Variants in SWT1 observed in about 807,000 individuals in gnomAD.
SWT1 encodes the protein SWT1 RNA endoribonuclease homolog.
SWT1 carries 33 observed loss-of-function variants against 107.3 expected under a neutral mutation model. The ratio of observed to expected loss-of-function variants is 0.31; its 90% CI spans 0.23 to 0.41. SWT1 has a LOEUF of 0.41. Among genes scored for constraint, SWT1 ranks in the 10% least tolerant of loss-of-function variants. SWT1 has a pLI of 1.00. For synonymous variants in SWT1, 345 were observed against 348.3 expected, an observed-to-expected ratio of 0.99 and a Z score of 0.11; for missense variants, 898 against 1,028.9, an observed-to-expected ratio of 0.87 and a Z score of 1.74.
intron 10 of SWT1, among the ~76,000 whole-genome samples, chr1:185,193,575 TC>T (rs1340038017): frequency 6.6e-6 from 1 of 152,022 alleles, no homozygotes; most frequent in Non-Finnish European, 1.5e-5. Flanking sequence ...CAAGCAATTC[TC>T]CTGCCTTAGC....
At chr1:185,190,807 C>T (rs1656888274) in intron 10 of SWT1, among the ~76,000 whole-genome samples, 165 bp downstream of exon 10, 1 of 152,062 alleles carries the variant, frequency 6.6e-6, no homozygotes, top group African/African-American at 2.4e-5. Flanking sequence ...TGTGTGAGCA[C>T]TAGAGGAATG....
At chr1:185,181,858 A>G (rs920848764) in intron 6 of SWT1, 88 bp from the exon 7 acceptor site, 2 of 1,431,732 alleles carry the variant, frequency 1.4e-6, no homozygotes, top group South Asian at 1.3e-5. Flanking sequence ...AACCATCTCA[A>G]GTGAATTAAT....
At chr1:185,280,768 A>G (rs1664565489) in intron 18 of SWT1, 1 of 273,404 alleles carries the variant, frequency 3.7e-6, no homozygotes, top group Admixed American at 4.4e-5. Context: ...GGCCTGGAGG[A>G]GCTGAGAGAG....
At chr1:185,159,577 G>A (rs943471513) in intron 1 of SWT1, among the ~76,000 whole-genome samples, 2 of 152,100 alleles carry the variant, frequency 1.3e-5, no homozygotes, top group African/African-American at 2.4e-5. Context: ...GCATTTATGA[G>A]CACCTAAGTT....
intron 1 of SWT1, among the ~76,000 whole-genome samples, chr1:185,159,166 T>A (rs1450962451): frequency 6.6e-6 from 1 of 152,176 alleles, no homozygotes; most frequent in Non-Finnish European, 1.5e-5. Context: ...AGCAGTAATA[T>A]CTTATTGATT....
intron 5 of SWT1, chr1:185,176,629 C>T (rs1256344637): frequency 1.0e-6 from 1 of 985,148 alleles, no homozygotes; most frequent in Admixed American, 6.2e-5. Flanking sequence ...TTCAGAAATT[C>T]TGAAATGTAG....
chr1:185,246,091 A>G (rs1661587407), intron 16 of SWT1, among the ~76,000 whole-genome samples: 1 of 151,974 alleles, frequency 6.6e-6, no homozygotes, highest in African/African-American at 2.4e-5. Flanking sequence ...TTATGGGACC[A>G]CCATCATATA....
At chr1:185,211,392 A>G (rs1263236739) in intron 13 of SWT1, among the ~76,000 whole-genome samples, 2 of 152,164 alleles carry the variant, frequency 1.3e-5, no homozygotes, top group Non-Finnish European at 2.9e-5. Flanking sequence ...AACACCACAC[A>G]TCTACAACCA....
intron 14 of SWT1, among the ~76,000 whole-genome samples, chr1:185,218,664 T>C (rs1039139117): frequency 1.3e-5 from 2 of 152,158 alleles, no homozygotes; most frequent in East Asian, 1.9e-4. Context: ...ACGTACACTT[T>C]CGTTTTATGG....
intron 17 of SWT1, among the ~76,000 whole-genome samples, chr1:185,274,613 T>G (rs1376988010): frequency 6.6e-6 from 1 of 152,208 alleles, no homozygotes; most frequent in Admixed American, 6.5e-5. Flanking sequence ...TTGCCTTTTC[T>G]TGAATTTTTT....
intron 15 of SWT1, chr1:185,227,023 A>T: frequency 1.1e-6 from 1 of 901,144 alleles, no homozygotes; most frequent in Non-Finnish European, 1.8e-6. Context: ...TTCTTTATGT[A>T]TTGAGAGAAC....
chr1:185,271,849 G>C (rs909272395), intron 17 of SWT1, among the ~76,000 whole-genome samples: 8 of 152,048 alleles, frequency 5.3e-5, no homozygotes, highest in Non-Finnish European at 1.0e-4. Flanking sequence ...CCTCCTCCCT[G>C]CCAGTGACAT....
chr1:185,194,226 T>C (rs1355350072), intron 10 of SWT1, among the ~76,000 whole-genome samples: 1 of 152,174 alleles, frequency 6.6e-6, no homozygotes, highest in East Asian at 1.9e-4. Context: ...GGTTCTTTTT[T>C]GACCAATCTG....
At chr1:185,245,515 AG>A (rs1661545229) in intron 16 of SWT1, among the ~76,000 whole-genome samples, 1 of 152,218 alleles carries the variant, frequency 6.6e-6, no homozygotes, top group Non-Finnish European at 1.5e-5. Flanking sequence ...AATAATAAAA[AG>A]TATAGTAGAG....
chr1:185,257,422 C>T (rs1467399144), intron 16 of SWT1, among the ~76,000 whole-genome samples: 1 of 152,062 alleles, frequency 6.6e-6, no homozygotes, highest in Non-Finnish European at 1.5e-5. Context: ...GCTGTGCTAG[C>T]AATCAGCGAG....
At chr1:185,272,186 G>T (rs915782583) in intron 17 of SWT1, among the ~76,000 whole-genome samples, 1 of 152,186 alleles carries the variant, frequency 6.6e-6, no homozygotes, top group African/African-American at 2.4e-5. Context: ...CTCTATAGTG[G>T]CAGCATAAAC....
intron 6 of SWT1, among the ~76,000 whole-genome samples, chr1:185,180,804 A>G (rs985302363): frequency 2.0e-5 from 3 of 152,240 alleles, no homozygotes; most frequent in African/African-American, 7.2e-5. Context: ...TTTAAAAATC[A>G]TCAATAAGAT....
chr1:185,268,878 A>G (rs1344795080), intron 16 of SWT1, among the ~76,000 whole-genome samples: 9 of 120,514 alleles, frequency 7.5e-5, no homozygotes, highest in East Asian at 2.3e-4. Flanking sequence ...TTTGAGACGG[A>G]GTGTCGCTCT....
At chr1:185,233,103 G>A (rs557863584) in intron 16 of SWT1, among the ~76,000 whole-genome samples, 30 of 152,152 alleles carry the variant, frequency 2.0e-4, no homozygotes, top group Non-Finnish European at 3.5e-4. Flanking sequence ...AGAAACTGTG[G>A]GTATGAGGCC....
Sources: gnomAD v4.1 joint callset for allele counts (sites outside exome capture counted in the v4.1 genomes callset) on GRCh38, gnomAD v4.1.1 for gene constraint, MANE v1.5 for transcripts, NCBI Gene and HGNC (gene_info 2026-07-23, HGNC 2026-07-21) for gene names.